DAZAP1: variants seen among roughly 807,000 people sequenced by gnomAD.
The protein encoded by DAZAP1 is DAZ-associated protein 1.
A neutral mutation model predicts 60.1 loss-of-function variants in DAZAP1; 6 were observed. That is an observed-to-expected ratio of 0.10 (90% confidence interval 0.05 to 0.20). The LOEUF is 0.20. Ranked by LOEUF, DAZAP1 falls within the 10% of genes least tolerant of loss-of-function variation. The probability of loss-of-function intolerance (pLI) is 1.00; values close to 1 mark genes in which losing one functional copy is unlikely to be tolerated. For missense variants in DAZAP1, 366 were observed against 560.4 expected (o/e 0.65, Z 3.50); for synonymous variants, 235 against 215.9 (o/e 1.09, Z -0.78).
intron 6 of DAZAP1, among the ~76,000 whole-genome samples, chr19:1,424,713 G>T (rs2083263118): frequency 6.6e-6 from 1 of 152,102 alleles, no homozygotes; most frequent in African/African-American, 2.4e-5. Flanking sequence ...GTGGTGCCTT[G>T]TCACGCACCC....
In DAZAP1 at chr19:1,416,214, A is replaced by T. The variant is rs1182126268; in HGVS notation, c.30-1286A>T. 1 of 152,294 alleles carries T rather than the reference A, an allele frequency of 6.6e-6. No individual in the cohort carries two copies. The highest frequency in any genetic ancestry group is 1.5e-5 in the Non-Finnish European group (1 of 68,036). The allele number at this position is 152,294 out of a possible 1,614,324, so 9.4% of individuals were successfully genotyped here. A position where few individuals can be genotyped will look rare whatever the true frequency, so the allele number is the denominator to read the frequency against. ...GTGGGGCAGTAACGTGTTCAACCTG[A>T]CAGCGACGTTTTTGCTGAAAGCCGA... On this transcript the variant is annotated intron_variant, in intron 1 of 11. Coordinates refer to ENST00000233078, the MANE Select transcript of DAZAP1 (RefSeq NM_018959.4). The surrounding 1 kb of genome is among the most constrained non-coding windows in gnomAD (Gnocchi z 4.3).
At chr19:1,430,950 T>C (rs1472869102) in intron 10 of DAZAP1, among the ~76,000 whole-genome samples, 1 of 151,488 alleles carries the variant, frequency 6.6e-6, no homozygotes, top group East Asian at 2.0e-4. Flanking sequence ...CTCGATCTCC[T>C]GACCTTGTGA....
chr19:1,407,702 A>C lies in DAZAP1; in HGVS notation c.-72A>C. On this transcript the variant is annotated 5_prime_UTR_variant, in exon 1 of 12. Transcript: ENST00000233078. ...GCCGCGGCTGTGGGGAGGGCGACGGAGCGGGTGACCTTCCGGAGGCGGGAG... is the reference window on the plus strand; with the variant it reads ...GCCGCGGCTGTGGGGAGGGCGACGGCGCGGGTGACCTTCCGGAGGCGGGAG... 1 of 1,032,532 alleles carries C rather than the reference A, an allele frequency of 9.7e-7. No homozygotes were observed. The highest frequency in any genetic ancestry group is 4.3e-5 in the South Asian group (1 of 23,324). 64.0% of individuals were successfully genotyped at this position (1,032,532 alleles called of 1,614,324 possible). A position where few individuals can be genotyped will look rare whatever the true frequency, so the allele number is the denominator to read the frequency against.
intron 1 of DAZAP1, among the ~76,000 whole-genome samples, chr19:1,413,523 G>A (rs12981384): frequency 6.0e-4 from 91 of 152,386 alleles, no homozygotes; most frequent in Non-Finnish European, 1.2e-3. Context: ...GGGACTTCCC[G>A]GAGGCTTCTG....
In DAZAP1 at chr19:1,418,770, C is replaced by T. The variant is rs773532925; in HGVS notation, c.303+39C>T. ...CCGGGCGGCCTCCTTGTGTGTTCTC[C>T]ACTCCACGTGGAAAGGAAATGCGTG... On this transcript the variant is annotated intron_variant, in intron 4 of 11. Transcript: ENST00000233078. The surrounding 1 kb of genome is among the most constrained non-coding windows in gnomAD (Gnocchi z 5.7). The T allele has an allele frequency of 3.2e-6, 5 of 1,556,688 alleles. No homozygotes were observed. Among genetic ancestry groups the T allele is most frequent in the South Asian group, 1.2e-5 (1 of 82,492 alleles).
rs1420405145 is a variant in DAZAP1, at chr19:1,434,270, C to CAGGA, written c.1049-462_1049-459dup. On this transcript the variant is annotated intron_variant, in intron 11 of 11. Transcript: ENST00000233078. The surrounding 1 kb of genome is among the most constrained non-coding windows in gnomAD (Gnocchi z 8.0). ...CGTGCCACCGATGGACGTGCCCTGA[C>CAGGA]AGGAAGGACAACGTGGGGTCTGGTC... 9.7e-6 allele frequency: 2 copies of CAGGA among 206,050 alleles called. No individual in the cohort carries two copies. Among genetic ancestry groups the CAGGA allele is most frequent in the Admixed American group, 1.1e-4 (2 of 18,606 alleles). 12.8% of individuals were successfully genotyped at this position (206,050 alleles called of 1,614,324 possible). A position where few individuals can be genotyped will look rare whatever the true frequency, so the allele number is the denominator to read the frequency against.
chr19:1,408,506 C>T (rs2082729950), intron 1 of DAZAP1, among the ~76,000 whole-genome samples: 1 of 152,254 alleles, frequency 6.6e-6, no homozygotes, highest in African/African-American at 2.4e-5. Context: ...ACCTATCCCA[C>T]TCGGGGCTCC....
chr19:1,430,993 T>A (rs1446438237), intron 10 of DAZAP1, among the ~76,000 whole-genome samples: 2 of 151,708 alleles, frequency 1.3e-5, no homozygotes, highest in Non-Finnish European at 2.9e-5. Flanking sequence ...AGTGCTGGGA[T>A]TACAGGCGTG....
intron 6 of DAZAP1, among the ~76,000 whole-genome samples, chr19:1,424,423 T>C (rs538842877): frequency 6.9e-6 from 1 of 145,142 alleles, no homozygotes; most frequent in East Asian, 2.2e-4. Flanking sequence ...TGCACACGTG[T>C]GCTCAGGACG....
Position 1,417,491 on chromosome 19 carries a change from G to A in DAZAP1, c.30-9G>A, listed in dbSNP as rs778157062. On this transcript the variant is annotated splice_polypyrimidine_tract_variant and intron_variant, in intron 1 of 11. Transcript: ENST00000233078. The stretch of plus-strand genomic sequence containing the variant: ...TCTTGATCCTGAATGTTTTCTCATT[G>A]AATCGCAGGAAGCTCTTCGTGGGCG... The A allele has an allele frequency of 6.9e-6, 11 of 1,601,894 alleles. No individual in the cohort carries two copies. The highest frequency in any genetic ancestry group is 1.7e-5 in the Admixed American group (1 of 57,826).
chr19:1,430,009 TTA>T lies in DAZAP1; in HGVS notation c.730+16_730+17del. On this transcript the variant is annotated intron_variant, in intron 9 of 11. Transcript: ENST00000233078. ...GGACAGGCGATTGGTAAGTCCTTGTTTATAGAGCAAAGGCGGGGACAGAAGCC... is the reference window on the plus strand; with the variant it reads ...GGACAGGCGATTGGTAAGTCCTTGTTTAGAGCAAAGGCGGGGACAGAAGCC... 1 of 1,574,528 alleles carries T rather than the reference TTA, an allele frequency of 6.4e-7. No homozygotes were observed. The highest frequency in any genetic ancestry group is 8.6e-7 in the Non-Finnish European group (1 of 1,158,996).
At position 1,426,299 on chromosome 19, in the gene DAZAP1, G is replaced by A. The variant is rs930136987; in HGVS notation, c.546+339G>A. 4 of 336,950 alleles carry A rather than the reference G, an allele frequency of 1.2e-5. No individual in the cohort carries two copies. The highest frequency in any genetic ancestry group is 7.2e-5 in the East Asian group (1 of 13,794). The allele number at this position is 336,950 out of a possible 1,614,324, so 20.9% of individuals were successfully genotyped here. The stretch of plus-strand genomic sequence containing the variant: ...GCGTTGCCTCAGGCTTGGTTTCCAC[G>A]ACCACTCCTTCAGATGTCTGCAAAT... On this transcript the variant is annotated intron_variant, in intron 7 of 11. Transcript: ENST00000233078. This position sits in a 1 kb window ranked among gnomAD's most constrained non-coding sequence, Gnocchi z 5.4.
intron 5 of DAZAP1, among the ~76,000 whole-genome samples, chr19:1,421,681 C>T (rs967827721): frequency 2.6e-4 from 40 of 152,236 alleles, no homozygotes; most frequent in African/African-American, 8.2e-4. Flanking sequence ...CTGGGACAGC[C>T]GGAGGGGGCC....
At chr19:1,414,541 T>C (rs1456998753) in intron 1 of DAZAP1, among the ~76,000 whole-genome samples, 1 of 151,860 alleles carries the variant, frequency 6.6e-6, no homozygotes, top group Non-Finnish European at 1.5e-5. Flanking sequence ...GGTCAAGAGA[T>C]TGAGACCATC....
Position 1,432,936 on chromosome 19 carries a change from A to C in DAZAP1, c.1048+246A>C. 2 of 513,592 alleles carry C rather than the reference A, an allele frequency of 3.9e-6. No individual in the cohort carries two copies. Among genetic ancestry groups the C allele is most frequent in the South Asian group, 5.3e-5 (2 of 37,440 alleles). 31.8% of individuals were successfully genotyped at this position (513,592 alleles called of 1,614,324 possible). On this transcript the variant is annotated intron_variant, in intron 11 of 11. Coordinates refer to ENST00000233078, the MANE Select transcript of DAZAP1 (RefSeq NM_018959.4). The surrounding 1 kb of genome is among the most constrained non-coding windows in gnomAD (Gnocchi z 4.9). Reference sequence around the variant, plus strand: ...ATACAGCAGGTGCTGCAGGGCCTGCATGTGTGGGAACCTGAGTGGCGACTG... The same window carrying C: ...ATACAGCAGGTGCTGCAGGGCCTGCCTGTGTGGGAACCTGAGTGGCGACTG...
At chr19:1,424,333 CCTCCCCCTCCT>C (rs2083248245) in intron 6 of DAZAP1, among the ~76,000 whole-genome samples, 1 of 114,590 alleles carries the variant, frequency 8.7e-6, no homozygotes, top group Non-Finnish European at 1.9e-5. Context: ...TCCTCTTCCC[CCTCCCCCTCCT>C]CCTCCCCCTC....
At chr19:1,424,759 G>C (rs1280147178) in intron 6 of DAZAP1, among the ~76,000 whole-genome samples, 2 of 152,212 alleles carry the variant, frequency 1.3e-5, no homozygotes, top group African/African-American at 4.8e-5. Context: ...CTTCAGCCCG[G>C]TCTCAGCTCT....
rs747093704 is a variant in DAZAP1 at position 1,418,513 on chromosome 19, T to C, written c.237+143T>C. 5 of 1,423,592 alleles carry C rather than the reference T, an allele frequency of 3.5e-6. No homozygotes were observed. Among genetic ancestry groups the C allele is most frequent in the Middle Eastern group, 2.0e-4 (1 of 4,886 alleles). The allele number at this position is 1,423,592 out of a possible 1,614,324, so 88.2% of individuals were successfully genotyped here. A position where few individuals can be genotyped will look rare whatever the true frequency, so the allele number is the denominator to read the frequency against. On this transcript the variant is annotated intron_variant, in intron 3 of 11. Transcript: ENST00000233078. The surrounding 1 kb of genome is among the most constrained non-coding windows in gnomAD (Gnocchi z 5.7). Reference sequence around the variant, plus strand: ...ATTGGGAAGGATTAAGCCTTGGTGCTGAGGCTGGATATTGCAGGAGGATAC... The same window carrying C: ...ATTGGGAAGGATTAAGCCTTGGTGCCGAGGCTGGATATTGCAGGAGGATAC...
In DAZAP1 at chr19:1,428,683, G is replaced by T; in HGVS notation, c.547-159G>T. On this transcript the variant is annotated intron_variant, in intron 7 of 11. Transcript: ENST00000233078. The surrounding 1 kb of genome is among the most constrained non-coding windows in gnomAD (Gnocchi z 4.0). ...AATTCAACACAAAAGAATTTTTTAA[G>T]AAAAAAATGCTACTGGCCTAAATAA... The T allele has an allele frequency of 1.1e-6, 1 of 913,940 alleles. No homozygotes were observed. The highest frequency in any genetic ancestry group is 2.8e-5 in the East Asian group (1 of 35,154). 56.6% of individuals were successfully genotyped at this position (913,940 alleles called of 1,614,324 possible). A position where few individuals can be genotyped will look rare whatever the true frequency, so the allele number is the denominator to read the frequency against.
Sources: allele counts gnomAD v4.1 joint callset (sites outside exome capture counted in the v4.1 genomes callset), GRCh38; gene constraint gnomAD v4.1.1; non-coding constraint Gnocchi (gnomAD v3.1); transcripts MANE v1.5; gene names NCBI Gene and HGNC (gene_info 2026-07-23, HGNC 2026-07-21).